Variants in USP10 observed in about 807,000 individuals in gnomAD.
USP10 encodes ubiquitin carboxyl-terminal hydrolase 10.
USP10 carries 22 observed loss-of-function variants against 84.5 expected under a neutral mutation model. The observed-to-expected ratio is 0.26, with a 90% CI of 0.19 to 0.37. USP10 has a LOEUF of 0.37. Among genes scored for constraint, USP10 ranks in the 10% least tolerant of loss-of-function variants. USP10 has a pLI of 1.00. For missense variants in USP10, 1,019 were observed against 998.9 expected (o/e 1.02, Z -0.27); for synonymous variants, 454 against 387.6 (o/e 1.17, Z -2.01).
At chr16:84,775,796 T>G (rs1204389362) in intron 13 of USP10, among the ~76,000 whole-genome samples, 4 of 152,224 alleles carry the variant, frequency 2.6e-5, no homozygotes, top group Non-Finnish European at 4.4e-5. Context: ...GTCTCCTGGC[T>G]TAGGCTCCCT....
intron 1 of USP10, among the ~76,000 whole-genome samples, chr16:84,721,425 A>T (rs1279554711): frequency 2.6e-5 from 4 of 152,380 alleles, no homozygotes; most frequent in Non-Finnish European, 4.4e-5. Context: ...GTACTGCTTC[A>T]TCTGCTTTAC....
intron 1 of USP10, among the ~76,000 whole-genome samples, chr16:84,703,504 G>A (rs1337004773): frequency 6.6e-6 from 1 of 152,174 alleles, no homozygotes; most frequent in Non-Finnish European, 1.5e-5. Flanking sequence ...GAATGTTACT[G>A]TATTGCTGAA....
At chr16:84,751,773 A>G (rs995471032) in intron 4 of USP10, among the ~76,000 whole-genome samples, 3 of 152,210 alleles carry the variant, frequency 2.0e-5, no homozygotes, top group South Asian at 2.1e-4. Context: ...CAGAATGTCG[A>G]TTACGGGCCA....
chr16:84,762,819 T>C (rs1913365041), intron 8 of USP10, among the ~76,000 whole-genome samples, 170 bp from the exon 9 acceptor site: 1 of 152,240 alleles, frequency 6.6e-6, no homozygotes, highest in Non-Finnish European at 1.5e-5. Flanking sequence ...CCTCCTACTC[T>C]TGGGATTTCA....
At chr16:84,754,148 G>C (rs1003256797) in intron 4 of USP10, among the ~76,000 whole-genome samples, 28 of 152,202 alleles carry the variant, frequency 1.8e-4, no homozygotes, top group African/African-American at 5.8e-4. Flanking sequence ...GGTAGGCAGT[G>C]ATGAGGTCAG....
rs1296188866 is a variant in USP10 at position 84,764,164 on chromosome 16, A to G, written c.1733A>G (p.Asp578Gly). 1.2e-6 allele frequency: 2 copies of G among 1,613,982 alleles called. No individual in the cohort carries two copies. The highest frequency in any genetic ancestry group is 2.2e-5 in the East Asian group (1 of 44,874). ...GAAGAACAAGGTGAAGGAAGCGAGG[A>G]TGAATGGGAACAAGTGGGCCCCCGG... Reference protein sequence around the residue: ...EQEEQGEGSEDEWEQVGPRNK... With the variant: ...EQEEQGEGSEGEWEQVGPRNK... The change falls in exon 10 of 14, where the codon GAT (aspartate) becomes GGT (glycine). Residue 578 changes from aspartate to glycine, a missense_variant. Asp to Gly is a moderately conservative substitution (Grantham distance 94, BLOSUM62 -1). Transcript: ENST00000219473.
chr16:84,731,670 A>G (rs1006783884), intron 1 of USP10, among the ~76,000 whole-genome samples: 1 of 152,166 alleles, frequency 6.6e-6, no homozygotes, highest in Non-Finnish European at 1.5e-5. Context: ...ATTGCCTTCC[A>G]TAGCCTTGTT....
At chr16:84,759,290 G>A in intron 5 of USP10, 73 bp from the exon 6 acceptor site, 1 of 1,369,004 alleles carries the variant, frequency 7.3e-7, no homozygotes. Context: ...AAACATTCTT[G>A]TGCTTCATGT....
chr16:84,720,909 T>TG (rs1907711997), intron 1 of USP10, among the ~76,000 whole-genome samples: 1 of 148,626 alleles, frequency 6.7e-6, no homozygotes, highest in Non-Finnish European at 1.5e-5. Flanking sequence ...TTTTTTTTTT[T>TG]TTGGGAAGGA....
chr16:84,764,939 A>AAAAAAAAAAAAT (rs370383030), intron 10 of USP10, among the ~76,000 whole-genome samples: 3 of 132,254 alleles, frequency 2.3e-5, no homozygotes, highest in Admixed American at 8.0e-5. Context: ...GAGAAAAAAA[A>AAAAAAAAAAAAT]ATATATATAT....
intron 1 of USP10, among the ~76,000 whole-genome samples, chr16:84,728,358 CT>C (rs11363022): frequency 0.51 from 75,366 of 148,964 alleles, 20,437 homozygotes; most frequent in African/African-American, 0.72. Context: ...GCCTTTTTTA[CT>C]TTTTTTTTTT....
At chr16:84,742,963 C>T (rs903733191) in intron 3 of USP10, among the ~76,000 whole-genome samples, 2 of 152,136 alleles carry the variant, frequency 1.3e-5, no homozygotes, top group African/African-American at 4.8e-5. Context: ...AGCTGAATGA[C>T]ACAACACGTT....
chr16:84,732,860 C>T (rs977998890), intron 1 of USP10, among the ~76,000 whole-genome samples: 3 of 152,176 alleles, frequency 2.0e-5, no homozygotes, highest in African/African-American at 7.2e-5. Context: ...ATTCTGAATT[C>T]CGTGAAATCA....
chr16:84,727,836 A>G (rs1312543178), intron 1 of USP10, among the ~76,000 whole-genome samples: 1 of 152,250 alleles, frequency 6.6e-6, no homozygotes, highest in Non-Finnish European at 1.5e-5. Flanking sequence ...AACCACAGTA[A>G]TACGTTACCA....
At chr16:84,702,248 G>T (rs1481669224) in intron 1 of USP10, among the ~76,000 whole-genome samples, 2 of 151,620 alleles carry the variant, frequency 1.3e-5, no homozygotes, top group East Asian at 1.9e-4. Flanking sequence ...ATTAAAGACG[G>T]GTTTCACCAT....
Position 84,744,809 on chromosome 16 carries a change from T to G in USP10, c.328T>G (p.Tyr110Asp). The G allele has an allele frequency of 1.2e-6, 2 of 1,613,712 alleles. No homozygotes were observed. The highest frequency in any genetic ancestry group is 2.7e-5 in the African/African-American group (2 of 75,002). Residue 110 changes from tyrosine (Y) to aspartate (D), a missense_variant, in exon 4 of 14, where the codon TAT becomes GAT. Physicochemically the swap from Tyr to Asp is radical, Grantham distance 160. Transcript: ENST00000219473. ...TPDGITKEAS[Y>D]GSIDCQYPGS... The stretch of plus-strand genomic sequence containing the variant: ...TGATGGTATCACTAAAGAAGCAAGC[T>G]ATGGCTCCATCGACTGCCAGTACCC...
chr16:84,774,398 G>T lies in USP10; in HGVS notation c.2144-762G>T, dbSNP rs1386976346. 2.6e-5 allele frequency among the ~76,000 whole-genome samples: 4 copies of T among 152,262 alleles called. No homozygotes were observed. The East Asian group carries it at 5.8e-4, about 22-fold the overall frequency. Reference sequence around the variant, plus strand: ...CGCACAGTAAGAGCAGGGAGTTCCCGCCTCGTAGCAGCTGGTAGACTGGTT... The same window carrying T: ...CGCACAGTAAGAGCAGGGAGTTCCCTCCTCGTAGCAGCTGGTAGACTGGTT... On this transcript the variant is annotated intron_variant, in intron 12 of 13. Transcript: ENST00000219473.
intron 1 of USP10, among the ~76,000 whole-genome samples, chr16:84,724,511 G>A (rs1044887193): frequency 2.0e-5 from 3 of 152,190 alleles, no homozygotes; most frequent in Admixed American, 2.0e-4. Context: ...CTGCCTGTGA[G>A]AGTGACTTTG....
chr16:84,757,402 G>GGTGTGTGTGTGT (rs58812391), intron 4 of USP10, among the ~76,000 whole-genome samples: 2 of 82,852 alleles, frequency 2.4e-5, no homozygotes, highest in African/African-American at 5.4e-5. Context: ...GAGGGGTGGG[G>GGTGTGTGTGTGT]GTGTGTGTGT....
Sources: allele counts gnomAD v4.1 joint callset (sites outside exome capture counted in the v4.1 genomes callset), GRCh38; gene constraint gnomAD v4.1.1; transcripts MANE v1.5; gene names NCBI Gene and HGNC (gene_info 2026-07-23, HGNC 2026-07-21).